The following OXSR1 variants were observed in gnomAD, a reference collection of about 807,000 sequenced individuals.
OXSR1 encodes the protein oxidative stress responsive kinase 1, also known as serine/threonine-protein kinase OSR1.
In OXSR1, 24 loss-of-function variants were observed where a neutral mutation model predicts 79.8. The observed-to-expected ratio is 0.30, with a 90% CI of 0.22 to 0.42. The LOEUF (loss-of-function observed/expected upper bound fraction) is 0.42, where lower values mean the gene tolerates loss of function less well. OXSR1 is among the 10% of genes least tolerant of loss of function. The pLI is 1.00. For missense variants in OXSR1, 430 were observed against 618.4 expected (o/e 0.70, Z 3.23); for synonymous variants, 226 against 209.2 (o/e 1.08, Z -0.69).
intron 2 of OXSR1, among the ~76,000 whole-genome samples, chr3:38,190,284 T>G (rs778558585): frequency 4.6e-5 from 7 of 152,182 alleles, no homozygotes; most frequent in Non-Finnish European, 1.0e-4. Flanking sequence ...TTCTCTTTAG[T>G]GTGAGAATTA....
At chr3:38,229,163 G>T (rs1398839199) in intron 8 of OXSR1, among the ~76,000 whole-genome samples, 1 of 152,130 alleles carries the variant, frequency 6.6e-6, no homozygotes, top group African/African-American at 2.4e-5. Context: ...TATACTTTTA[G>T]AATTTTCATT....
At chr3:38,170,586 T>C (rs1701560406) in intron 1 of OXSR1, among the ~76,000 whole-genome samples, 1 of 152,192 alleles carries the variant, frequency 6.6e-6, no homozygotes. Flanking sequence ...TGAACCACCT[T>C]GTTTTACAGT....
chr3:38,247,840 A>G, intron 14 of OXSR1, 108 bp downstream of exon 14: 1 of 645,378 alleles, frequency 1.5e-6, no homozygotes, highest in Non-Finnish European at 2.7e-6. Context: ...GTCCTCCAGC[A>G]TCAAGCTCTG....
chr3:38,209,582 G>A (rs1040928947), intron 4 of OXSR1, among the ~76,000 whole-genome samples: 2 of 151,162 alleles, frequency 1.3e-5, no homozygotes, highest in Non-Finnish European at 2.9e-5. Context: ...GGTTTCAATT[G>A]AGCATTTCAT....
intron 4 of OXSR1, among the ~76,000 whole-genome samples, chr3:38,200,064 GT>G (rs1702135472): frequency 6.6e-6 from 1 of 152,328 alleles, no homozygotes; most frequent in East Asian, 1.9e-4. Flanking sequence ...TGCTGCTGGT[GT>G]GGGTGATGTG....
chr3:38,203,440 C>T (rs549669190), intron 4 of OXSR1, among the ~76,000 whole-genome samples: 115 of 152,286 alleles, frequency 7.6e-4, no homozygotes, highest in African/African-American at 2.1e-3. Context: ...TTATTTATTA[C>T]AGCCTCTCTT....
At chr3:38,178,606 A>G (rs1322302462) in intron 1 of OXSR1, among the ~76,000 whole-genome samples, 1 of 82,800 alleles carries the variant, frequency 1.2e-5, no homozygotes, top group Non-Finnish European at 2.3e-5. Context: ...ATCCAGCTAT[A>G]TATATATATA....
rs1362523143 is a variant in OXSR1, at chr3:38,167,974, T to TA, written c.70+2030dup. Among the ~76,000 whole-genome samples, 6 of 152,110 alleles carry TA rather than the reference T, an allele frequency of 3.9e-5. No homozygotes were observed. In the East Asian group the frequency reaches 1.2e-3, roughly 29 times the overall value. On this transcript the variant is annotated intron_variant, in intron 1 of 17. Transcript: ENST00000311806. ...TAGTCATTCTCAAAGCCTTTGCTGT[T>TA]AAGGTGGCAGAGAATTTCAGAGTTG... is the stretch of plus-strand genomic sequence containing the variant.
intron 4 of OXSR1, among the ~76,000 whole-genome samples, chr3:38,206,528 T>C (rs1702266565): frequency 6.6e-6 from 1 of 150,596 alleles, no homozygotes; most frequent in African/African-American, 2.4e-5. Context: ...ACAATGACCC[T>C]AAATGTATAC....
intron 8 of OXSR1, 85 bp from the exon 9 acceptor site, chr3:38,229,602 A>G: frequency 8.4e-7 from 1 of 1,192,530 alleles, no homozygotes; most frequent in Non-Finnish European, 1.2e-6. Context: ...GTTGAAAAAA[A>G]TTTTTTCTCA....
intron 17 of OXSR1, among the ~76,000 whole-genome samples, 156 bp downstream of exon 17, chr3:38,252,548 T>G (rs926436034): frequency 2.0e-5 from 3 of 152,164 alleles, no homozygotes; most frequent in African/African-American, 7.2e-5. Flanking sequence ...TGTTTCCCTT[T>G]GAGTGGCCAC....
At chr3:38,191,750 A>C (rs1034372423) in intron 3 of OXSR1, among the ~76,000 whole-genome samples, 2 of 104,290 alleles carry the variant, frequency 1.9e-5, no homozygotes, top group Non-Finnish European at 4.0e-5. Context: ...TGTAGCTAGC[A>C]AGTAATCTTA....
intron 8 of OXSR1, among the ~76,000 whole-genome samples, chr3:38,228,628 T>G (rs1231007692): frequency 6.6e-6 from 1 of 152,226 alleles, no homozygotes; most frequent in Non-Finnish European, 1.5e-5. Context: ...TGGAGTACAG[T>G]GGCACAATCT....
At chr3:38,247,539 G>A (rs1703167312) in intron 13 of OXSR1, 129 bp from the exon 14 acceptor site, 3 of 624,326 alleles carry the variant, frequency 4.8e-6, no homozygotes, top group Non-Finnish European at 8.8e-6. Context: ...ATGTCCTGGG[G>A]ATTAGTATGA....
In OXSR1 at chr3:38,177,571, C is replaced by G. The variant is rs542145801; in HGVS notation, c.71-5432C>G. On this transcript the variant is annotated intron_variant, in intron 1 of 17. Coordinates refer to ENST00000311806, the MANE Select transcript of OXSR1 (RefSeq NM_005109.3). The stretch of plus-strand genomic sequence containing the variant: ...TTTTCTTTTCTTTTTGATTTCCTTC[C>G]TTTCGTTCTCTTTCTTTCTTTTTTG... Among the ~76,000 whole-genome samples, 31 of 151,708 alleles carry G rather than the reference C, an allele frequency of 2.0e-4. 1 individual carries two copies. The highest frequency in any genetic ancestry group is 1.5e-3 in the South Asian group (7 of 4,804).
At chr3:38,247,640 T>C in intron 13 of OXSR1, 28 bp from the exon 14 acceptor site, 2 of 1,565,392 alleles carry the variant, frequency 1.3e-6, no homozygotes, top group Non-Finnish European at 8.8e-7. Context: ...TTTCAGGCAA[T>C]GACTGTATAC....
chr3:38,251,500 T>A, intron 16 of OXSR1, 29 bp downstream of exon 16: 1 of 1,545,280 alleles, frequency 6.5e-7, no homozygotes, highest in Non-Finnish European at 8.9e-7. Flanking sequence ...GCTCATGTGC[T>A]CCTGTGTCTC....
At chr3:38,221,532 G>C (rs1559518382) in intron 5 of OXSR1, 46 bp from the exon 6 acceptor site, 1 of 970,016 alleles carries the variant, frequency 1.0e-6, no homozygotes, top group Admixed American at 1.8e-5. Context: ...ATTCATTTAT[G>C]ATAGTTGATG....
At chr3:38,231,908 A>G (rs190578153) in intron 10 of OXSR1, among the ~76,000 whole-genome samples, 1 of 152,206 alleles carries the variant, frequency 6.6e-6, no homozygotes, top group Non-Finnish European at 1.5e-5. Flanking sequence ...GGAGTTCAAG[A>G]CCAGCCTGGC....
Sources: gnomAD v4.1 joint callset for allele counts (sites outside exome capture counted in the v4.1 genomes callset) on GRCh38, gnomAD v4.1.1 for gene constraint, MANE v1.5 for transcripts, NCBI Gene and HGNC (gene_info 2026-07-23, HGNC 2026-07-21) for gene names.